The following MPP4 variants were observed in gnomAD, a reference collection of about 807,000 sequenced individuals.
MPP4 encodes MAGUK p55 scaffold protein 4, also known as MAGUK p55 subfamily member 4.
In MPP4, 91 loss-of-function variants were observed where a neutral mutation model predicts 98.3. The ratio of observed to expected loss-of-function variants is 0.93; its 90% CI spans 0.78 to 1.10. MPP4 has a LOEUF of 1.10. Ranked by LOEUF, MPP4 falls within the 50% of genes least tolerant of loss-of-function variation. The pLI, the probability that MPP4 is intolerant of heterozygous loss-of-function variation, is 0.00. For missense variants in MPP4, 744 were observed against 792.9 expected, an observed-to-expected ratio of 0.94 and a Z score of 0.74; for synonymous variants, 261 against 271.8, an observed-to-expected ratio of 0.96 and a Z score of 0.39.
At chr2:201,664,272 G>A (rs1289974467) in intron 13 of MPP4, 171 bp from the exon 14 acceptor site, 1 of 1,479,402 alleles carries the variant, frequency 6.8e-7, no homozygotes, top group East Asian at 2.7e-5. Flanking sequence ...GCATATATCA[G>A]CTTTACATGA....
chr2:201,679,360 C>G (rs1370638452), intron 10 of MPP4, among the ~76,000 whole-genome samples: 1 of 152,110 alleles, frequency 6.6e-6, no homozygotes, highest in Non-Finnish European at 1.5e-5. Flanking sequence ...CTATGTTTAC[C>G]TAATCTGTTT....
chr2:201,683,556 C>T (rs1368827407), intron 7 of MPP4, among the ~76,000 whole-genome samples: 1 of 152,096 alleles, frequency 6.6e-6, no homozygotes, highest in African/African-American at 2.4e-5. Flanking sequence ...CAAGACCAGC[C>T]TTGCCAACTT....
At chr2:201,671,239 G>A (rs1688335074) in intron 11 of MPP4, among the ~76,000 whole-genome samples, 1 of 152,082 alleles carries the variant, frequency 6.6e-6, no homozygotes, top group Non-Finnish European at 1.5e-5. Flanking sequence ...CCCTGGAAAA[G>A]GGGCTGAAGC....
intron 21 of MPP4, 101 bp from the exon 22 acceptor site, chr2:201,645,505 T>A: frequency 9.9e-7 from 1 of 1,006,676 alleles, no homozygotes; most frequent in East Asian, 2.9e-5. Context: ...AAACTATGTA[T>A]AAAAACAGTA....
At chr2:201,677,629 A>G (rs1688541929) in intron 10 of MPP4, among the ~76,000 whole-genome samples, 1 of 152,174 alleles carries the variant, frequency 6.6e-6, no homozygotes, top group Non-Finnish European at 1.5e-5. Flanking sequence ...TCCTAAGCAC[A>G]ATGCTGCTCT....
At chr2:201,664,288 A>C in intron 13 of MPP4, 187 bp from the exon 14 acceptor site, 1 of 1,467,388 alleles carries the variant, frequency 6.8e-7, no homozygotes. Flanking sequence ...CATGAAACAC[A>C]TGGTATTCGG....
chr2:201,686,888 A>G (rs892670675), intron 5 of MPP4, among the ~76,000 whole-genome samples: 1 of 152,238 alleles, frequency 6.6e-6, no homozygotes, highest in African/African-American at 2.4e-5. Flanking sequence ...TCTCACAGGG[A>G]TAATCATCAT....
At position 201,654,880 on chromosome 2, in the gene MPP4, T is replaced by C. The variant is rs1188902196; in HGVS notation, c.1338A>G (p.Gln446=). ...AATGGCTGGGATTAAATTCAATAAG[T>C]TGTCTTCTGAGCTCATTTACTCCAA... is the stretch of plus-strand genomic sequence containing the variant. ...SGVGVNELRR[Q]LIEFNPSHFQ... The change falls in exon 18 of 22, where the codon CAA becomes CAG. Residue 446 remains glutamine (Q), a synonymous_variant. Transcript: ENST00000409474. 7 of 1,605,792 alleles carry C rather than the reference T, an allele frequency of 4.4e-6. No individual in the cohort carries two copies. The highest frequency in any genetic ancestry group is 3.4e-5 in the Admixed American group (2 of 58,916).
intron 14 of MPP4, among the ~76,000 whole-genome samples, chr2:201,663,042 GTTTA>G: frequency 6.6e-6 from 1 of 152,278 alleles, no homozygotes; most frequent in Non-Finnish European, 1.5e-5. Context: ...ATACTTTCCA[GTTTA>G]TTTACTAGCA....
chr2:201,689,088 G>A (rs1688924015), intron 4 of MPP4, among the ~76,000 whole-genome samples: 1 of 152,144 alleles, frequency 6.6e-6, no homozygotes, highest in Non-Finnish European at 1.5e-5. Flanking sequence ...AGCACTTTGG[G>A]AGGCCAAGGT....
At chr2:201,696,772 C>A (rs368178464) in intron 1 of MPP4, among the ~76,000 whole-genome samples, 31 of 152,192 alleles carry the variant, frequency 2.0e-4, no homozygotes, top group African/African-American at 7.5e-4. Flanking sequence ...AACTTCAGGG[C>A]TACCTAGATA....
At chr2:201,696,321 CA>C (rs753448831) in intron 1 of MPP4, among the ~76,000 whole-genome samples, 86 of 152,196 alleles carry the variant, frequency 5.7e-4, no homozygotes, top group Non-Finnish European at 1.1e-3. Context: ...TTTAGCATCA[CA>C]GCTGCATATC....
chr2:201,697,551 G>A (rs568816554), intron 1 of MPP4, among the ~76,000 whole-genome samples: 1 of 152,302 alleles, frequency 6.6e-6, no homozygotes, highest in East Asian at 1.9e-4. Flanking sequence ...ATGTTCAGTT[G>A]TTGTTGGGAA....
At chr2:201,658,759 G>C (rs1359467822) in intron 15 of MPP4, among the ~76,000 whole-genome samples, 1 of 151,852 alleles carries the variant, frequency 6.6e-6, no homozygotes, top group African/African-American at 2.4e-5. Context: ...ATTCTGTCTA[G>C]TATGGTTAAA....
In MPP4 at chr2:201,656,196, A is replaced by G; in HGVS notation, c.1300+2T>C. On this transcript the variant is annotated splice_donor_variant, in intron 17 of 21. Transcript: ENST00000409474. LOFTEE classifies it high-confidence loss of function. ...GGAGAGACAGTGCATGCTGGGACAT[A>G]CCCATGAGCACTATGAGGCGGTACT... The G allele has an allele frequency of 6.2e-7, 1 of 1,600,118 alleles. No individual in the cohort carries two copies. Among genetic ancestry groups the G allele is most frequent in the Non-Finnish European group, 8.5e-7 (1 of 1,173,282 alleles).
chr2:201,653,167 C>G (rs1409577973), intron 18 of MPP4, among the ~76,000 whole-genome samples: 1 of 152,186 alleles, frequency 6.6e-6, no homozygotes, highest in Non-Finnish European at 1.5e-5. Context: ...TGGGGAACAT[C>G]ACAAGTCTAG....
At chr2:201,673,719 C>A (rs550740904) in intron 11 of MPP4, among the ~76,000 whole-genome samples, 2 of 152,150 alleles carry the variant, frequency 1.3e-5, no homozygotes, top group African/African-American at 4.8e-5. Flanking sequence ...TCAAAAACTG[C>A]CTTTATAGTT....
At chr2:201,658,540 G>A (rs1687923582) in intron 15 of MPP4, 22 bp from the exon 16 acceptor site, 1 of 1,607,872 alleles carries the variant, frequency 6.2e-7, no homozygotes, top group Non-Finnish European at 8.5e-7. Flanking sequence ...AGAACAGATG[G>A]AGCAGAATAT....
In MPP4 at chr2:201,664,416, C is replaced by G. The variant is rs1688110412; in HGVS notation, c.1052-315G>C. 3.2e-6 allele frequency: 4 copies of G among 1,237,758 alleles called. No homozygotes were observed. The African/African-American group carries it at 4.6e-5, about 14-fold the overall frequency. 76.7% of individuals were successfully genotyped at this position (1,237,758 alleles called of 1,614,324 possible). A position where few individuals can be genotyped will look rare whatever the true frequency, so the allele number is the denominator to read the frequency against. ...CAGAGGGAAGGGGAAAGTGGAATGTCAGGGAAATCCCTAGAGACTGTTGGA... is the reference window on the plus strand; with the variant it reads ...CAGAGGGAAGGGGAAAGTGGAATGTGAGGGAAATCCCTAGAGACTGTTGGA... On this transcript the variant is annotated intron_variant, in intron 13 of 21. Coordinates refer to ENST00000409474, the MANE Select transcript of MPP4 (RefSeq NM_033066.3).
Sources: allele counts gnomAD v4.1 joint callset (sites outside exome capture counted in the v4.1 genomes callset), GRCh38; gene constraint gnomAD v4.1.1; transcripts MANE v1.5; gene names NCBI Gene and HGNC (gene_info 2026-07-23, HGNC 2026-07-21).